CCDC171: variants seen among roughly 807,000 people sequenced by gnomAD.
CCDC171 encodes coiled-coil domain-containing protein 171.
Under a neutral mutation model 168.2 loss-of-function variants are expected in CCDC171, and 177 were observed. The ratio of observed to expected loss-of-function variants is 1.05; its 90% CI spans 0.93 to 1.19. The LOEUF is 1.19. CCDC171 is among the 50% of genes most tolerant of loss of function. The probability of loss-of-function intolerance (pLI) is 0.00; values close to 1 mark genes in which losing one functional copy is unlikely to be tolerated. For synonymous variants in CCDC171, 687 were observed against 540.8 expected, an observed-to-expected ratio of 1.27 and a Z score of -3.75; for missense variants, 1,991 against 1,539.0, an observed-to-expected ratio of 1.29 and a Z score of -4.91.
intron 21 of CCDC171, among the ~76,000 whole-genome samples, chr9:15,838,478 A>T (rs1000061163): frequency 6.6e-6 from 1 of 152,214 alleles, no homozygotes; most frequent in Non-Finnish European, 1.5e-5. Context: ...GAAGCTTCCC[A>T]TGGCCTTCTA....
chr9:16,070,027 C>G, the CCDC171 span, among the ~76,000 whole-genome samples: 3 of 152,148 alleles, frequency 2.0e-5, no homozygotes, highest in African/African-American at 7.2e-5. Flanking sequence ...CTGACTCTGC[C>G]TTGCTCTCTG....
chr9:15,950,712 G>C (rs201339225), intron 25 of CCDC171, among the ~76,000 whole-genome samples: 6 of 151,750 alleles, frequency 4.0e-5, no homozygotes, highest in South Asian at 4.2e-4. Context: ...GACACTGCAT[G>C]AACTAATGAG....
At chr9:15,694,620 C>T (rs192847329) in intron 10 of CCDC171, among the ~76,000 whole-genome samples, 65 of 152,270 alleles carry the variant, frequency 4.3e-4, no homozygotes, top group Non-Finnish European at 6.9e-4. Flanking sequence ...TCTTTTTCTG[C>T]GTACTTCCCT....
chr9:15,564,248 A>G (rs2039545172), intron 2 of CCDC171, 119 bp downstream of exon 2: 2 of 675,928 alleles, frequency 3.0e-6, no homozygotes, highest in African/African-American at 3.7e-5. Context: ...GGGAGTAGAA[A>G]TTCTGTGGGA....
At chr9:15,856,678 T>C (rs1408026835) in intron 23 of CCDC171, among the ~76,000 whole-genome samples, 1 of 152,068 alleles carries the variant, frequency 6.6e-6, no homozygotes, top group African/African-American at 2.4e-5. Context: ...GGAGTGTATA[T>C]ATTTCTTAGA....
intron 23 of CCDC171, among the ~76,000 whole-genome samples, chr9:15,866,141 A>G (rs1355883395): frequency 6.6e-6 from 1 of 151,990 alleles, no homozygotes; most frequent in Non-Finnish European, 1.5e-5. Flanking sequence ...AGGTCATGGA[A>G]GGCCTTTTTT....
chr9:15,899,394 T>G (rs904111977), intron 24 of CCDC171, among the ~76,000 whole-genome samples: 4 of 152,208 alleles, frequency 2.6e-5, no homozygotes, highest in Admixed American at 1.3e-4. Flanking sequence ...TTACATTTAA[T>G]TTTTAAAAAA....
At chr9:15,734,413 C>T (rs760964655) in intron 16 of CCDC171, among the ~76,000 whole-genome samples, 3 of 152,132 alleles carry the variant, frequency 2.0e-5, no homozygotes, top group East Asian at 1.9e-4. Context: ...TGGCGCATGC[C>T]TGTAATCCCA....
At chr9:15,979,776 A>T (rs905280242) in intron 3 of CCDC171, among the ~76,000 whole-genome samples, 1 of 151,776 alleles carries the variant, frequency 6.6e-6, no homozygotes, top group African/African-American at 2.4e-5. Context: ...TTTATCTAGT[A>T]TTAGGCTAAT....
At chr9:15,668,908 A>C (rs1235420996) in intron 9 of CCDC171, among the ~76,000 whole-genome samples, 1 of 152,182 alleles carries the variant, frequency 6.6e-6, no homozygotes, top group Non-Finnish European at 1.5e-5. Context: ...AATGTATTCC[A>C]AATAGAGAAT....
At chr9:16,013,136 A>C (rs1159336570) in intron 3 of CCDC171, among the ~76,000 whole-genome samples, 2 of 152,164 alleles carry the variant, frequency 1.3e-5, no homozygotes, top group Non-Finnish European at 2.9e-5. Flanking sequence ...TCTGATAGCT[A>C]TACTGTCTTT....
rs191518141 is a variant in CCDC171, at chr9:15,972,914, A to C, written c.*1078A>C. 7 of 152,254 alleles carry C rather than the reference A, an allele frequency of 4.6e-5. No individual in the cohort carries two copies. The highest frequency in any genetic ancestry group is 7.3e-5 in the Non-Finnish European group (5 of 68,034). The allele number at this position is 152,254 out of a possible 1,614,324, so 9.4% of individuals were successfully genotyped here. ...TCAAATATCAAATAATAGGTCAAGC[A>C]GGAAGGAGCTGAGTTCTAACCACAA... On this transcript the variant is annotated 3_prime_UTR_variant, in exon 26 of 26. Coordinates refer to ENST00000380701, the MANE Select transcript of CCDC171 (RefSeq NM_173550.4).
At chr9:15,679,919 C>T (rs2049923779) in intron 10 of CCDC171, among the ~76,000 whole-genome samples, 1 of 152,096 alleles carries the variant, frequency 6.6e-6, no homozygotes, top group Admixed American at 6.6e-5. Flanking sequence ...GACTAAAATG[C>T]TCCTTTTCTT....
the CCDC171 span, among the ~76,000 whole-genome samples, chr9:16,073,694 C>T: frequency 6.6e-6 from 1 of 152,178 alleles, no homozygotes; most frequent in East Asian, 1.9e-4. Flanking sequence ...CTCACCAAAT[C>T]GCGATCTGGC....
At chr9:15,613,141 T>C (rs2043824337) in intron 6 of CCDC171, among the ~76,000 whole-genome samples, 1 of 152,222 alleles carries the variant, frequency 6.6e-6, no homozygotes, top group East Asian at 1.9e-4. Flanking sequence ...ACGGACTGTT[T>C]TCTAATGCTG....
At chr9:16,043,506 GA>G (rs1248563534) in intron 1 of CCDC171, among the ~76,000 whole-genome samples, 1 of 152,164 alleles carries the variant, frequency 6.6e-6, no homozygotes, top group African/African-American at 2.4e-5. Context: ...ACCATTCTCA[GA>G]AATAAAAATG....
At chr9:15,950,903 G>A (rs1829077377) in intron 25 of CCDC171, among the ~76,000 whole-genome samples, 1 of 151,300 alleles carries the variant, frequency 6.6e-6, no homozygotes, top group African/African-American at 2.4e-5. Context: ...GACACACATA[G>A]GCTCAAAATA....
upstream of CCDC171, among the ~76,000 whole-genome samples, chr9:16,038,265 A>G (rs1833509512): frequency 6.6e-6 from 1 of 152,110 alleles, no homozygotes; most frequent in African/African-American, 2.4e-5. Context: ...TTGCTAAGGG[A>G]TTTATTTCAA....
At chr9:15,610,559 C>T (rs1188665019) in intron 6 of CCDC171, among the ~76,000 whole-genome samples, 3 of 141,904 alleles carry the variant, frequency 2.1e-5, no homozygotes, top group African/African-American at 2.6e-5. Flanking sequence ...ACCTGGGAGG[C>T]GGAGGTTGCA....
Sources: allele counts gnomAD v4.1 joint callset (sites outside exome capture counted in the v4.1 genomes callset), GRCh38; gene constraint gnomAD v4.1.1; transcripts MANE v1.5; gene names NCBI Gene and HGNC (gene_info 2026-07-23, HGNC 2026-07-21).